The following USH2A variants were observed in gnomAD, a reference collection of about 807,000 sequenced individuals.
The protein encoded by USH2A is usherin.
Under a neutral mutation model 538.9 loss-of-function variants are expected in USH2A, and 443 were observed. That is an observed-to-expected ratio of 0.82 (90% CI 0.76 to 0.89). The LOEUF is 0.89. USH2A is among the 40% of genes least tolerant of loss of function. The probability of loss-of-function intolerance (pLI) is 0.00; values close to 1 mark genes in which losing one functional copy is unlikely to be tolerated. For synonymous variants in USH2A, 2,413 were observed against 2,273.5 expected (o/e 1.06, Z -1.75); for missense variants, 6,633 against 6,324.8 (o/e 1.05, Z -1.65).
intron 54 of USH2A, among the ~76,000 whole-genome samples, chr1:215,781,510 C>T (rs1279148403): frequency 3.3e-5 from 5 of 151,924 alleles, no homozygotes; most frequent in Non-Finnish European, 5.9e-5. Flanking sequence ...GATTTTATCC[C>T]CCATGTCTGT....
At chr1:215,719,824 CAT>C (rs1427721301) in intron 61 of USH2A, among the ~76,000 whole-genome samples, 1 of 152,108 alleles carries the variant, frequency 6.6e-6, no homozygotes, top group East Asian at 1.9e-4. Flanking sequence ...GAGGGATTAA[CAT>C]GTGTGAAGAT....
intron 36 of USH2A, 141 bp from the exon 37 acceptor site, chr1:215,965,620 G>T: frequency 2.1e-6 from 2 of 961,598 alleles, no homozygotes; most frequent in Non-Finnish European, 3.1e-6. Flanking sequence ...ACCTCATTTT[G>T]TCAGCAGGAT....
intron 11 of USH2A, among the ~76,000 whole-genome samples, chr1:216,285,744 G>A (rs188665166): frequency 2.3e-4 from 35 of 152,342 alleles, no homozygotes; most frequent in African/African-American, 8.4e-4. Flanking sequence ...GGGCCGAGCT[G>A]CCCAAGGCTG....
chr1:215,761,409 A>G (rs1317174163), intron 56 of USH2A, among the ~76,000 whole-genome samples: 1 of 152,040 alleles, frequency 6.6e-6, no homozygotes, highest in Non-Finnish European at 1.5e-5. Flanking sequence ...ATCATAATCA[A>G]ATTCTTTCTT....
At chr1:215,637,473 C>T (rs1282631171) in intron 69 of USH2A, among the ~76,000 whole-genome samples, 2 of 152,188 alleles carry the variant, frequency 1.3e-5, no homozygotes, top group East Asian at 3.9e-4. Flanking sequence ...TGTTCTCATC[C>T]CAGTAACAAG....
intron 26 of USH2A, among the ~76,000 whole-genome samples, chr1:216,080,741 G>C (rs972828636): frequency 1.3e-5 from 2 of 151,206 alleles, no homozygotes; most frequent in African/African-American, 4.9e-5. Context: ...AGTTCTTACA[G>C]AGGAAGGGAT....
intron 61 of USH2A, among the ~76,000 whole-genome samples, chr1:215,685,158 C>T (rs376528928): frequency 7.9e-5 from 12 of 151,998 alleles, no homozygotes; most frequent in African/African-American, 2.4e-4. Context: ...TTTTATATGT[C>T]GTAATGTAGA....
rs751411512 is a variant in USH2A at position 215,674,200 on chromosome 1, C to A, written c.13711G>T (p.Glu4571Ter). ...DIINYTLFIR[E>*]LFERETKIIH... ...ATTTTAGTTTCTCTTTCAAATAGTTCACGGATGAAGAGGGTATAATTGATG... is the reference window on the plus strand; with the variant it reads ...ATTTTAGTTTCTCTTTCAAATAGTTAACGGATGAAGAGGGTATAATTGATG... Residue 4571 changes from glutamate (E) to a stop codon, truncating the protein, a stop_gained, in exon 63 of 72, where the codon GAA (glutamate) becomes TAA (stop). Coordinates refer to ENST00000307340, the MANE Select transcript of USH2A (RefSeq NM_206933.4). LOFTEE classifies it high-confidence loss of function. 6.2e-7 allele frequency: 1 copy of A among 1,614,034 alleles called. No homozygotes were observed. The highest frequency in any genetic ancestry group is 2.2e-5 in the East Asian group (1 of 44,860).
At chr1:215,808,005 A>G (rs1662551139) in intron 49 of USH2A, among the ~76,000 whole-genome samples, 1 of 152,134 alleles carries the variant, frequency 6.6e-6, no homozygotes, top group Non-Finnish European at 1.5e-5. Context: ...TGAAGGTCAA[A>G]CAACTAAGAG....
chr1:215,979,242 A>G lies in USH2A; in HGVS notation c.6806-8466T>C, dbSNP rs538333003. Among the ~76,000 whole-genome samples, 32 of 152,274 alleles carry G rather than the reference A, an allele frequency of 2.1e-4. 1 individual carries two copies. In the South Asian group the frequency reaches 4.1e-3, roughly 20 times the overall value. On this transcript the variant is annotated intron_variant, in intron 35 of 71. Coordinates refer to ENST00000307340, the MANE Select transcript of USH2A (RefSeq NM_206933.4). ...GGAAAAACATGCCCCCCATAGTTCA[A>G]TTACTTCCCACGGGGTCTCTCCCAT... is the stretch of plus-strand genomic sequence containing the variant.
At chr1:215,669,497 A>G (rs900235932) in intron 64 of USH2A, among the ~76,000 whole-genome samples, 1 of 152,186 alleles carries the variant, frequency 6.6e-6, no homozygotes, top group African/African-American at 2.4e-5. Flanking sequence ...TATATACTGT[A>G]TATTTTGTAA....
intron 14 of USH2A, among the ~76,000 whole-genome samples, chr1:216,219,876 G>A (rs911285763): frequency 4.6e-5 from 7 of 152,106 alleles, no homozygotes; most frequent in African/African-American, 1.4e-4. Context: ...CAAAACAGGA[G>A]TAAAGCATCA....
intron 25 of USH2A, among the ~76,000 whole-genome samples, chr1:216,084,264 C>T (rs1024721191): frequency 6.6e-6 from 1 of 152,044 alleles, no homozygotes; most frequent in Non-Finnish European, 1.5e-5. Flanking sequence ...CCTACTTAAC[C>T]CATTACCTAG....
chr1:215,855,505 AC>A, intron 44 of USH2A, among the ~76,000 whole-genome samples: 1 of 152,228 alleles, frequency 6.6e-6, no homozygotes, highest in East Asian at 1.9e-4. Flanking sequence ...CATAGATGAC[AC>A]AAATGAAAAC....
intron 18 of USH2A, among the ~76,000 whole-genome samples, chr1:216,197,846 T>A (rs1031447613): frequency 1.3e-5 from 2 of 152,176 alleles, no homozygotes; most frequent in South Asian, 4.1e-4. Context: ...GATTTTGATG[T>A]CCACGATTCT....
intron 56 of USH2A, among the ~76,000 whole-genome samples, chr1:215,763,355 A>T (rs1236883800): frequency 6.6e-6 from 1 of 152,078 alleles, no homozygotes; most frequent in Non-Finnish European, 1.5e-5. Context: ...AGAAGTGGAG[A>T]TGGGTAGGAA....
At chr1:216,188,402 C>T (rs1052012507) in intron 20 of USH2A, among the ~76,000 whole-genome samples, 9 of 151,558 alleles carry the variant, frequency 5.9e-5, no homozygotes, top group African/African-American at 1.9e-4. Context: ...ATCTCATCTA[C>T]AAGAATTATA....
intron 55 of USH2A, among the ~76,000 whole-genome samples, chr1:215,778,984 T>C (rs1003132939): frequency 1.3e-5 from 2 of 152,226 alleles, no homozygotes; most frequent in Non-Finnish European, 2.9e-5. Context: ...CAAACGTTTA[T>C]TTAGCTCCTA....
At chr1:215,963,322 T>C (rs1040047930) in intron 37 of USH2A, among the ~76,000 whole-genome samples, 1 of 152,094 alleles carries the variant, frequency 6.6e-6, no homozygotes, top group African/African-American at 2.4e-5. Context: ...ATCCTTTCAG[T>C]TAACAGTGGA....
Sources: allele counts gnomAD v4.1 joint callset (sites outside exome capture counted in the v4.1 genomes callset), GRCh38; gene constraint gnomAD v4.1.1; transcripts MANE v1.5; gene names NCBI Gene and HGNC (gene_info 2026-07-23, HGNC 2026-07-21).